Variants in MKLN1 observed in about 807,000 individuals in gnomAD.
MKLN1 encodes muskelin.
Under a neutral mutation model 99.0 loss-of-function variants are expected in MKLN1, and 18 were observed. The observed-to-expected ratio is 0.18, with a 90% CI of 0.13 to 0.27. The LOEUF is 0.27. Ranked by LOEUF, MKLN1 falls within the 10% of genes least tolerant of loss-of-function variation. MKLN1 has a pLI of 1.00. For synonymous variants in MKLN1, 288 were observed against 293.2 expected (o/e 0.98, Z 0.18); for missense variants, 621 against 875.9 (o/e 0.71, Z 3.67).
At chr7:131,369,394 A>G (rs1257550069) in intron 1 of MKLN1, among the ~76,000 whole-genome samples, 1 of 152,158 alleles carries the variant, frequency 6.6e-6, no homozygotes, top group Non-Finnish European at 1.5e-5. Context: ...AATTTCATCA[A>G]TTTGATGGGT....
intron 1 of MKLN1, among the ~76,000 whole-genome samples, chr7:131,341,998 A>T (rs1196643084): frequency 6.6e-6 from 1 of 152,228 alleles, no homozygotes; most frequent in Non-Finnish European, 1.5e-5. Context: ...GATTATATCC[A>T]CTTATTGGCT....
intron 1 of MKLN1, among the ~76,000 whole-genome samples, chr7:131,119,207 A>G (rs576395779): frequency 6.6e-6 from 1 of 152,386 alleles, no homozygotes; most frequent in South Asian, 2.1e-4. Context: ...CAAAGGGGCT[A>G]TAGGCCCCAT....
chr7:131,245,058 C>T (rs1007780620), intron 3 of MKLN1, among the ~76,000 whole-genome samples: 2 of 152,156 alleles, frequency 1.3e-5, no homozygotes, highest in African/African-American at 4.8e-5. Flanking sequence ...TTGGTGCCTC[C>T]TGGGCATATA....
chr7:131,323,251 G>C (rs921555118), upstream of MKLN1: 2 of 152,202 alleles, frequency 1.3e-5, no homozygotes, highest in African/African-American at 4.8e-5. Context: ...CAAGAGAAGC[G>C]GCAGAAAGGG....
At chr7:131,322,196 G>A (rs1009507636) in intron 3 of MKLN1, among the ~76,000 whole-genome samples, 1 of 152,074 alleles carries the variant, frequency 6.6e-6, no homozygotes, top group East Asian at 1.9e-4. Flanking sequence ...AATTTTGCAG[G>A]GAATCCAAAG....
intron 3 of MKLN1, among the ~76,000 whole-genome samples, chr7:131,242,158 G>A (rs931433614): frequency 2.6e-5 from 4 of 152,310 alleles, no homozygotes; most frequent in African/African-American, 2.4e-5. Context: ...AGATGACCAC[G>A]GCCAACGGCT....
rs540407487 is a variant in MKLN1 at position 131,328,177 on chromosome 7, G to C, written c.98+180G>C. 5.3e-5 allele frequency: 41 copies of C among 770,356 alleles called. No homozygotes were observed. The East Asian group carries it at 1.1e-3, about 21-fold the overall frequency. The allele number at this position is 770,356 out of a possible 1,614,324, so 47.7% of individuals were successfully genotyped here. On this transcript the variant is annotated intron_variant, in intron 1 of 17. Transcript: ENST00000352689. ...CGTTGCTCGGCCTCGCTCGGGAAGG[G>C]GTTAGGGTCCGGAGAGCGAGCCCAG...
chr7:131,322,550 CCAAA>C (rs1282775292), intron 3 of MKLN1, among the ~76,000 whole-genome samples: 85 of 147,928 alleles, frequency 5.7e-4, no homozygotes, highest in African/African-American at 1.9e-3. Flanking sequence ...AAGGGAACTG[CCAAA>C]CACTTTTTTT....
upstream of MKLN1, chr7:131,326,846 C>G (rs1245901626): frequency 6.6e-6 from 1 of 152,242 alleles, no homozygotes; most frequent in African/African-American, 2.4e-5. Context: ...AATTTTTCCA[C>G]TCTTCAGGTG....
intron 3 of MKLN1, among the ~76,000 whole-genome samples, chr7:131,280,193 T>C (rs762760687): frequency 2.6e-5 from 4 of 152,230 alleles, no homozygotes; most frequent in Non-Finnish European, 4.4e-5. Flanking sequence ...CCACATTTTG[T>C]TTACCCATTC....
intron 8 of MKLN1, among the ~76,000 whole-genome samples, chr7:131,428,381 T>C (rs767099010): frequency 3.9e-5 from 6 of 152,174 alleles, no homozygotes; most frequent in Non-Finnish European, 5.9e-5. Context: ...TACCACAATA[T>C]ATCTGGAAAA....
At chr7:131,372,917 T>C (rs989326649) in intron 1 of MKLN1, among the ~76,000 whole-genome samples, 1 of 151,900 alleles carries the variant, frequency 6.6e-6, no homozygotes, top group Non-Finnish European at 1.5e-5. Context: ...TTCCCTACCT[T>C]CTTTCTTTTC....
intron 3 of MKLN1, among the ~76,000 whole-genome samples, chr7:131,288,771 C>A (rs550224006): frequency 3.4e-4 from 52 of 152,234 alleles, no homozygotes; most frequent in African/African-American, 1.1e-3. Flanking sequence ...ACTTTCTATT[C>A]TTTTCTCATC....
chr7:131,116,814 T>C (rs955307172), intron 1 of MKLN1, among the ~76,000 whole-genome samples: 8 of 152,108 alleles, frequency 5.3e-5, no homozygotes, highest in African/African-American at 1.2e-4. Flanking sequence ...GTGACATCTA[T>C]TTTTTACTGT....
At chr7:131,330,704 A>G (rs1799046119) in intron 1 of MKLN1, among the ~76,000 whole-genome samples, 1 of 152,200 alleles carries the variant, frequency 6.6e-6, no homozygotes, top group Admixed American at 6.5e-5. Flanking sequence ...TTGTGTAAAG[A>G]AATGTGAAGT....
At chr7:131,142,711 G>A (rs1270979912) in intron 1 of MKLN1, 1 of 327,202 alleles carries the variant, frequency 3.1e-6, no homozygotes, top group Admixed American at 4.5e-5. Context: ...CTCCAGCCTG[G>A]GCAACAGAGC....
chr7:131,122,319 G>T (rs1795385498), intron 1 of MKLN1, among the ~76,000 whole-genome samples: 1 of 152,218 alleles, frequency 6.6e-6, no homozygotes. Context: ...GAAATGTAAG[G>T]AGGTTCTTTC....
chr7:131,448,202 T>G (rs928717332), intron 12 of MKLN1, among the ~76,000 whole-genome samples: 1 of 152,118 alleles, frequency 6.6e-6, no homozygotes, highest in Non-Finnish European at 1.5e-5. Flanking sequence ...CACTCCACCC[T>G]GGGCGACAGA....
At chr7:131,337,433 T>A (rs984156543) in intron 1 of MKLN1, among the ~76,000 whole-genome samples, 2 of 152,180 alleles carry the variant, frequency 1.3e-5, no homozygotes, top group Non-Finnish European at 2.9e-5. Context: ...GGATAGTTTT[T>A]ACTTGACTGT....
Sources: gnomAD v4.1 joint callset for allele counts (sites outside exome capture counted in the v4.1 genomes callset) on GRCh38, gnomAD v4.1.1 for gene constraint, MANE v1.5 for transcripts, NCBI Gene and HGNC (gene_info 2026-07-23, HGNC 2026-07-21) for gene names.